TMTC1: variants seen among roughly 807,000 people sequenced by gnomAD.
The protein encoded by TMTC1 is protein O-mannosyl-transferase TMTC1.
TMTC1 carries 73 observed loss-of-function variants against 104.8 expected under a neutral mutation model. That is an observed-to-expected ratio of 0.70 (90% CI 0.58 to 0.85). The LOEUF (loss-of-function observed/expected upper bound fraction) is 0.85. Ranked by LOEUF, TMTC1 falls within the 40% of genes least tolerant of loss-of-function variation. TMTC1 has a pLI of 0.00. For missense variants in TMTC1, 1,035 were observed against 1,096.1 expected, an observed-to-expected ratio of 0.94 and a Z score of 0.79; for synonymous variants, 434 against 428.7, an observed-to-expected ratio of 1.01 and a Z score of -0.15.
intron 6 of TMTC1, among the ~76,000 whole-genome samples, chr12:29,625,569 T>C (rs911151119): frequency 6.6e-6 from 1 of 152,240 alleles, no homozygotes; most frequent in Non-Finnish European, 1.5e-5. Context: ...CAATCTTAAC[T>C]ATCCCCACAG....
chr12:29,554,998 A>G (rs1474303651), intron 10 of TMTC1, among the ~76,000 whole-genome samples: 11 of 152,196 alleles, frequency 7.2e-5, no homozygotes, highest in Non-Finnish European at 1.3e-4. Flanking sequence ...TGTAAGACCT[A>G]TGTTTCAGTA....
chr12:29,536,731 G>A (rs1026708984), intron 10 of TMTC1, among the ~76,000 whole-genome samples: 10 of 152,250 alleles, frequency 6.6e-5, no homozygotes, highest in African/African-American at 2.4e-4. Context: ...TCACACCACT[G>A]CAGGCTGAGC....
At chr12:29,512,243 T>A in intron 16 of TMTC1, 123 bp from the exon 17 acceptor site, 1 of 661,994 alleles carries the variant, frequency 1.5e-6, no homozygotes, top group South Asian at 2.1e-5. Flanking sequence ...CCGCTACTAG[T>A]TCACAGGAGA....
Position 29,502,183 on chromosome 12 carries a change from C to G in TMTC1, c.*4663G>C, listed in dbSNP as rs900687081. ...AAGTTAACCTATATTTGGGAGATAC[C>G]AACATATAATCAAATCAAAGTAAAC... On this transcript the variant is annotated 3_prime_UTR_variant, in exon 18 of 18. Transcript: ENST00000539277. The G allele has an allele frequency of 1.3e-5, 2 of 151,752 alleles. No individual in the cohort carries two copies. The highest frequency in any genetic ancestry group is 1.3e-4 in the Admixed American group (2 of 15,244). 9.4% of individuals were successfully genotyped at this position (151,752 alleles called of 1,614,324 possible).
intron 5 of TMTC1, among the ~76,000 whole-genome samples, chr12:29,737,845 GC>G (rs1942722036): frequency 6.6e-6 from 1 of 152,204 alleles, no homozygotes; most frequent in Non-Finnish European, 1.5e-5. Flanking sequence ...CAGTTAATGA[GC>G]TGCACGCTGT....
Position 29,783,887 on chromosome 12 carries a change from G to T in TMTC1, c.-136C>A. The T allele has an allele frequency of 1.2e-6, 1 of 846,778 alleles. No homozygotes were observed. The highest frequency in any genetic ancestry group is 1.4e-6 in the Non-Finnish European group (1 of 690,278). The allele number at this position is 846,778 out of a possible 1,614,324, so 52.5% of individuals were successfully genotyped here. A position where few individuals can be genotyped will look rare whatever the true frequency, so the allele number is the denominator to read the frequency against. On this transcript the variant is annotated 5_prime_UTR_variant, in exon 1 of 18. Coordinates refer to ENST00000539277, the MANE Select transcript of TMTC1 (RefSeq NM_001193451.2). The surrounding 1 kb of genome is among the most constrained non-coding windows in gnomAD (Gnocchi z 4.7). ...GCTGCGGCAGCTGGACCCGCCGCGAGCTCCCCGCGCTCCGCCGCCGCCTGC... is the reference window on the plus strand; with the variant it reads ...GCTGCGGCAGCTGGACCCGCCGCGATCTCCCCGCGCTCCGCCGCCGCCTGC...
intron 5 of TMTC1, among the ~76,000 whole-genome samples, chr12:29,667,199 C>T (rs954439591): frequency 1.3e-5 from 2 of 152,148 alleles, no homozygotes; most frequent in African/African-American, 2.4e-5. Context: ...TGAAGTGCCT[C>T]GTCTAAACCT....
intron 11 of TMTC1, among the ~76,000 whole-genome samples, chr12:29,527,695 C>T (rs1412492043): frequency 1.3e-5 from 2 of 152,242 alleles, no homozygotes; most frequent in African/African-American, 4.8e-5. Flanking sequence ...AATTACACCA[C>T]TATTAACCAC....
chr12:29,642,180 G>A (rs1483771608), intron 5 of TMTC1, among the ~76,000 whole-genome samples: 2 of 152,140 alleles, frequency 1.3e-5, no homozygotes, highest in African/African-American at 4.8e-5. Context: ...GGGAATAATC[G>A]AGGAAAACTT....
chr12:29,782,989 C>G (rs1031731329), intron 1 of TMTC1: 5 of 155,160 alleles, frequency 3.2e-5, no homozygotes, highest in African/African-American at 1.2e-4. Flanking sequence ...TGAACGAAAC[C>G]CTTAAGGGGC....
intron 5 of TMTC1, among the ~76,000 whole-genome samples, chr12:29,643,467 TATATATGATGGAATATA>T (rs1938975004): frequency 1.2e-5 from 1 of 81,566 alleles, no homozygotes; most frequent in Non-Finnish European, 2.4e-5. Context: ...TGATGGAATA[TATATATGATGGAATATA>T]AAAAATATTA....
chr12:29,509,302 A>G (rs746599806), intron 17 of TMTC1, among the ~76,000 whole-genome samples: 2 of 152,238 alleles, frequency 1.3e-5, no homozygotes, highest in South Asian at 2.1e-4. Context: ...ACTTCATCTT[A>G]TATGTAAAAC....
intron 15 of TMTC1, 24 bp from the exon 16 acceptor site, chr12:29,514,628 A>G (rs1383089999): frequency 1.9e-6 from 3 of 1,597,250 alleles, no homozygotes; most frequent in Non-Finnish European, 2.6e-6. Flanking sequence ...AAATTAAGAC[A>G]GAATAAATGC....
At chr12:29,538,758 T>C (rs1335039193) in intron 10 of TMTC1, among the ~76,000 whole-genome samples, 3 of 152,144 alleles carry the variant, frequency 2.0e-5, no homozygotes, top group African/African-American at 7.2e-5. Flanking sequence ...AGATTCTTGA[T>C]AAAAAACATC....
Position 29,517,493 on chromosome 12 carries a change from C to G in TMTC1, c.2103G>C (p.Glu701Asp), listed in dbSNP as rs747118750. The change falls in exon 14 of 18, where the codon GAG becomes GAC. Residue 701 changes from glutamate to aspartate, a missense_variant. Physicochemically the swap from Glu to Asp is conservative, Grantham distance 45. Transcript: ENST00000539277. ...CAGCTTCCTGGTAAATCTGCAAAGC[C>G]TCTTCGTATCGGCCAGTGTTGTAAT... is the stretch of plus-strand genomic sequence containing the variant. Reference protein sequence around the residue: ...ALYYNTGRYEEALQIYQEAAA... With the variant: ...ALYYNTGRYEDALQIYQEAAA... 6.2e-7 allele frequency: 1 copy of G among 1,614,122 alleles called. No homozygotes were observed. The highest frequency in any genetic ancestry group is 1.1e-5 in the South Asian group (1 of 91,076).
intron 7 of TMTC1, among the ~76,000 whole-genome samples, chr12:29,589,936 C>T (rs1946236240): frequency 6.6e-6 from 1 of 152,146 alleles, no homozygotes; most frequent in Non-Finnish European, 1.5e-5. Context: ...GTAACTTGCC[C>T]ACAGCCCCAG....
At chr12:29,724,735 A>G (rs1021127378) in intron 5 of TMTC1, among the ~76,000 whole-genome samples, 1 of 152,186 alleles carries the variant, frequency 6.6e-6, no homozygotes, top group African/African-American at 2.4e-5. Flanking sequence ...CCATAAAGTA[A>G]GAGAAAAATA....
At position 29,524,920 on chromosome 12, in the gene TMTC1, A is replaced by C. The variant is rs555912990; in HGVS notation, c.1786-4200T>G. Among the ~76,000 whole-genome samples the C allele has an allele frequency of 3.3e-5, 5 of 152,256 alleles. 1 individual carries two copies. The highest frequency in any genetic ancestry group is 1.2e-4 in the African/African-American group (5 of 41,550). On this transcript the variant is annotated intron_variant, in intron 11 of 17. Transcript: ENST00000539277. ...TTTATAGAGGCATAAGCAAGGAAAA[A>C]ATTAAGAGAGGTAAGAGTCTGATGA...
intron 1 of TMTC1, among the ~76,000 whole-genome samples, chr12:29,770,253 AG>A (rs1408033484): frequency 1.3e-5 from 2 of 152,210 alleles, no homozygotes; most frequent in African/African-American, 4.8e-5. Flanking sequence ...TACTCTTATC[AG>A]GTATTTAACA....
Sources: allele counts gnomAD v4.1 joint callset (sites outside exome capture counted in the v4.1 genomes callset), GRCh38; gene constraint gnomAD v4.1.1; non-coding constraint Gnocchi (gnomAD v3.1); transcripts MANE v1.5; gene names NCBI Gene and HGNC (gene_info 2026-07-23, HGNC 2026-07-21).